DEFA3: variants seen among roughly 807,000 people sequenced by gnomAD.
DEFA3 encodes the protein defensin alpha 3, also known as neutrophil defensin 3.
For missense variants in DEFA3, 8 were observed against 128.1 expected, an observed-to-expected ratio of 0.06 and a Z score of 4.53; for synonymous variants, 3 against 47.2, an observed-to-expected ratio of 0.06 and a Z score of 3.84.
chr8:7,017,064 A>G (rs1484313668), intron 1 of DEFA3, among the ~76,000 whole-genome samples: 1 of 133,100 alleles, frequency 7.5e-6, no homozygotes, highest in Non-Finnish European at 1.7e-5. Flanking sequence ...ATACATCTGT[A>G]CCTTTAATGT....
intron 1 of DEFA3, among the ~76,000 whole-genome samples, 154 bp downstream of exon 1, chr8:7,018,068 C>A (rs371107628): frequency 6.7e-6 from 1 of 150,028 alleles, no homozygotes; most frequent in Non-Finnish European, 1.5e-5. Flanking sequence ...TGGAAGCCAT[C>A]GTCCCCAGCA....
chr8:7,018,020 T>C (rs1201371154), intron 1 of DEFA3, among the ~76,000 whole-genome samples: 4 of 149,832 alleles, frequency 2.7e-5, no homozygotes, highest in African/African-American at 9.9e-5. Context: ...ACATGTGTGT[T>C]TAGAAGGAAA....
chr8:7,017,860 G>T (rs1563090346), intron 1 of DEFA3, among the ~76,000 whole-genome samples: 1 of 152,212 alleles, frequency 6.6e-6, no homozygotes, highest in African/African-American at 2.4e-5. Context: ...TGGCAGAAGG[G>T]GCAAATATCT....
intron 1 of DEFA3, among the ~76,000 whole-genome samples, chr8:7,017,497 T>G (rs1255167432): frequency 5.2e-5 from 6 of 116,034 alleles, no homozygotes; most frequent in African/African-American, 1.6e-4. Flanking sequence ...CTACTTAGAC[T>G]TGAGTAACAA....
chr8:7,016,039 C>A lies in DEFA3; in HGVS notation c.236G>T (p.Arg79Leu), dbSNP rs563452688. ...TCCCTGGTAGATGCAGGTTCCATAG[C>A]GACGTTCTCCTGCAATGCACGCTGG... ...RIPACIAGER[R>L]YGTCIYQGRL... is the part of the protein sequence containing the mutation. Residue 79 changes from arginine (R) to leucine (L), a missense_variant, in exon 3 of 3, where the codon CGC becomes CTC. Coordinates refer to ENST00000327857, the MANE Select transcript of DEFA3 (RefSeq NM_005217.4). 6.6e-7 allele frequency: 1 copy of A among 1,512,496 alleles called. No homozygotes were observed. The highest frequency in any genetic ancestry group is 2.3e-5 in the East Asian group (1 of 44,174). 93.7% of individuals were successfully genotyped at this position (1,512,496 alleles called of 1,614,324 possible).
At position 7,018,079 on chromosome 8, in the gene DEFA3, G is replaced by T. The variant is rs543771187; in HGVS notation, c.-13+143C>A. 7 of 150,118 alleles carry T rather than the reference G, an allele frequency of 4.7e-5. 1 individual carries two copies. In the South Asian group the frequency reaches 1.5e-3, roughly 32 times the overall value. 9.3% of individuals were successfully genotyped at this position (150,118 alleles called of 1,614,324 possible). ...TAGCTGGAAGCCATCGTCCCCAGCA[G>T]TCACCAGAGGTCCGGACAGACGTTC... On this transcript the variant is annotated intron_variant, in intron 1 of 2. Coordinates refer to ENST00000327857, the MANE Select transcript of DEFA3 (RefSeq NM_005217.4).
chr8:7,016,288 C>T lies in DEFA3; in HGVS notation c.176-189G>A, dbSNP rs951637499. Among the ~76,000 whole-genome samples, 67 of 152,152 alleles carry T rather than the reference C, an allele frequency of 4.4e-4. No homozygotes were observed. The East Asian group carries it at 0.012, about 28-fold the overall frequency. ...TCACACAGAATTTGAGACTCATTCT[C>T]CTTTGCTCTCATTTTTGCATTCCTG... On this transcript the variant is annotated intron_variant, in intron 2 of 2. Coordinates refer to ENST00000327857, the MANE Select transcript of DEFA3 (RefSeq NM_005217.4).
At chr8:7,017,974 G>T (rs572982639) in intron 1 of DEFA3, among the ~76,000 whole-genome samples, 139 of 152,038 alleles carry the variant, frequency 9.1e-4, no homozygotes, top group African/African-American at 3.3e-3. Context: ...ATGTTCCAAA[G>T]ACCTGTGATA....
rs375749327 is a variant in DEFA3, at chr8:7,016,255, A to T, written c.176-156T>A. On this transcript the variant is annotated intron_variant, in intron 2 of 2. Coordinates refer to ENST00000327857, the MANE Select transcript of DEFA3 (RefSeq NM_005217.4). ...GTCGATAGGAATAAACACGCAGAGC[A>T]GTGCTTGTCACACAGAATTTGAGAC... 5.1e-4 allele frequency among the ~76,000 whole-genome samples: 78 copies of T among 152,282 alleles called. No homozygotes were observed. In the East Asian group the frequency reaches 0.013, roughly 26 times the overall value.
At position 7,015,952 on chromosome 8, in the gene DEFA3, A is replaced by AC; in HGVS notation, c.*37_*38insG. ...GTAATAGCAATTCCCTGTAGCTCTC[A>AC]AAGCAAATTTTGAGCTCATTTTTCT... On this transcript the variant is annotated 3_prime_UTR_variant, in exon 3 of 3. Coordinates refer to ENST00000327857, the MANE Select transcript of DEFA3 (RefSeq NM_005217.4). The AC allele has an allele frequency of 7.2e-7, 1 of 1,384,808 alleles. No homozygotes were observed. Among genetic ancestry groups the AC allele is most frequent in the Non-Finnish European group, 1.0e-6 (1 of 988,344 alleles). 85.8% of individuals were successfully genotyped at this position (1,384,808 alleles called of 1,614,324 possible). A position where few individuals can be genotyped will look rare whatever the true frequency, so the allele number is the denominator to read the frequency against.
chr8:7,016,380 AG>A (rs1159491010), intron 2 of DEFA3, among the ~76,000 whole-genome samples: 31 of 107,796 alleles, frequency 2.9e-4, no homozygotes, highest in Middle Eastern at 5.1e-3. Flanking sequence ...TCTTCTGTAG[AG>A]TAAAATGTTC....
At chr8:7,016,391 C>T (rs572477510) in intron 2 of DEFA3, among the ~76,000 whole-genome samples, 1,606 of 121,480 alleles carry the variant, frequency 0.013, no homozygotes, top group Non-Finnish European at 0.019. Flanking sequence ...GTAAAATGTT[C>T]TCTTTACAAC....
At chr8:7,016,342 C>T (rs141070271) in intron 2 of DEFA3, among the ~76,000 whole-genome samples, 12,463 of 150,604 alleles carry the variant, frequency 0.083, 632 homozygotes, top group Non-Finnish European at 0.13. Context: ...TGAACATACC[C>T]TCAGGCTTGG....
chr8:7,017,916 C>T (rs1002131406), intron 1 of DEFA3, among the ~76,000 whole-genome samples: 7 of 152,250 alleles, frequency 4.6e-5, no homozygotes, highest in Non-Finnish European at 1.0e-4. Flanking sequence ...AATCAAACAA[C>T]CTGATTGAAA....
chr8:7,016,379 G>GATAT, intron 2 of DEFA3, among the ~76,000 whole-genome samples: 1 of 107,200 alleles, frequency 9.3e-6, no homozygotes, highest in African/African-American at 5.1e-5. Context: ...CTCTTCTGTA[G>GATAT]AGTAAAATGT....
intron 1 of DEFA3, among the ~76,000 whole-genome samples, 190 bp from the exon 2 acceptor site, chr8:7,017,052 G>A (rs1301005482): frequency 7.5e-6 from 1 of 133,070 alleles, no homozygotes; most frequent in African/African-American, 2.6e-5. Context: ...TTTCATGCTA[G>A]TATACATCTG....
Sources: gnomAD v4.1 joint callset for allele counts (sites outside exome capture counted in the v4.1 genomes callset) on GRCh38, gnomAD v4.1.1 for gene constraint, MANE v1.5 for transcripts, NCBI Gene and HGNC (gene_info 2026-07-23, HGNC 2026-07-21) for gene names.